VTI1A: variants seen among roughly 807,000 people sequenced by gnomAD.
VTI1A encodes the protein vesicle transport through interaction with t-SNAREs homolog 1A.
VTI1A carries 22 observed loss-of-function variants against 34.9 expected under a neutral mutation model. That is an observed-to-expected ratio of 0.63 (90% CI 0.45 to 0.90). The LOEUF is 0.90. Among genes scored for constraint, VTI1A ranks in the 40% least tolerant of loss-of-function variants. The pLI, the probability that VTI1A is intolerant of heterozygous loss-of-function variation, is 0.00. For missense variants in VTI1A, 268 were observed against 275.6 expected (o/e 0.97, Z 0.20); for synonymous variants, 87 against 97.3 (o/e 0.89, Z 0.62).
At chr10:112,600,037 C>A (rs1181259048) in intron 5 of VTI1A, among the ~76,000 whole-genome samples, 4 of 152,122 alleles carry the variant, frequency 2.6e-5, no homozygotes, top group Non-Finnish European at 5.9e-5. Context: ...TGGAGAAATT[C>A]AGAACCATAT....
chr10:112,604,647 T>G (rs1345743058), intron 5 of VTI1A, among the ~76,000 whole-genome samples: 1 of 152,244 alleles, frequency 6.6e-6, no homozygotes, highest in Non-Finnish European at 1.5e-5. Context: ...TGGAACTGTT[T>G]GGGCATATTC....
chr10:112,548,164 C>T (rs1031543155), intron 5 of VTI1A, among the ~76,000 whole-genome samples: 1 of 152,162 alleles, frequency 6.6e-6, no homozygotes, highest in African/African-American at 2.4e-5. Flanking sequence ...AGTACTGCAA[C>T]TTTATCGCCT....
intron 2 of VTI1A, among the ~76,000 whole-genome samples, chr10:112,461,469 C>T (rs898144677): frequency 5.3e-5 from 8 of 152,244 alleles, no homozygotes; most frequent in East Asian, 1.9e-4. Context: ...GAGACTGAGA[C>T]TTAGAAAGAT....
At chr10:112,541,514 T>C (rs1297886953) in intron 5 of VTI1A, among the ~76,000 whole-genome samples, 2 of 152,170 alleles carry the variant, frequency 1.3e-5, no homozygotes, top group East Asian at 1.9e-4. Flanking sequence ...GGCAAAGATT[T>C]CAACAAAAAT....
chr10:112,470,339 CAA>C (rs1848034288), intron 3 of VTI1A, among the ~76,000 whole-genome samples: 1 of 152,096 alleles, frequency 6.6e-6, no homozygotes, highest in Non-Finnish European at 1.5e-5. Flanking sequence ...AAAAACCAAA[CAA>C]AATGTATTGT....
At chr10:112,464,725 C>T in intron 3 of VTI1A, 68 bp downstream of exon 3, 1 of 1,375,134 alleles carries the variant, frequency 7.3e-7, no homozygotes, top group South Asian at 1.3e-5. Flanking sequence ...ATGCCTCAGT[C>T]AGCATTAAAT....
chr10:112,836,118 C>T, the VTI1A span, among the ~76,000 whole-genome samples: 1 of 152,240 alleles, frequency 6.6e-6, no homozygotes, highest in Non-Finnish European at 1.5e-5. Context: ...GCCCTGTCCT[C>T]TTCCCGGGTG....
At chr10:112,455,431 TCTTCCCTCCTTCCCTC>T (rs1246549360) in intron 1 of VTI1A, among the ~76,000 whole-genome samples, 2 of 444 alleles carry the variant, frequency 4.5e-3, no homozygotes, top group African/African-American at 0.022. Context: ...CCCCTTCCCT[TCTTCCCTCCTTCCCTC>T]CTTCCCTCCT....
At chr10:112,589,449 A>G (rs961045410) in intron 5 of VTI1A, among the ~76,000 whole-genome samples, 1 of 150,594 alleles carries the variant, frequency 6.6e-6, no homozygotes, top group African/African-American at 2.5e-5. Context: ...ACCCAGCCAC[A>G]TGGAACTGTA....
intron 5 of VTI1A, among the ~76,000 whole-genome samples, chr10:112,663,610 A>T (rs1847540999): frequency 6.6e-6 from 1 of 152,196 alleles, no homozygotes; most frequent in Non-Finnish European, 1.5e-5. Flanking sequence ...AAGGCTCTTC[A>T]TGCCTGAGTA....
At chr10:112,532,901 C>T (rs150823965) in intron 4 of VTI1A, among the ~76,000 whole-genome samples, 17 of 152,124 alleles carry the variant, frequency 1.1e-4, no homozygotes, top group Middle Eastern at 3.4e-3. Flanking sequence ...TTCATATGAT[C>T]GTGAATTTTT....
chr10:112,464,977 G>A (rs1316775589), intron 3 of VTI1A, among the ~76,000 whole-genome samples: 1 of 152,160 alleles, frequency 6.6e-6, no homozygotes, highest in Non-Finnish European at 1.5e-5. Flanking sequence ...CCTTTAAGAG[G>A]CAGCCTGTAC....
intron 3 of VTI1A, among the ~76,000 whole-genome samples, chr10:112,467,488 C>T (rs2134060889): frequency 6.6e-6 from 1 of 152,154 alleles, no homozygotes; most frequent in South Asian, 2.1e-4. Context: ...AGCAAAAAAC[C>T]TCATAATATT....
At chr10:112,658,975 C>G (rs1847341263) in intron 5 of VTI1A, among the ~76,000 whole-genome samples, 1 of 152,210 alleles carries the variant, frequency 6.6e-6, no homozygotes, top group Non-Finnish European at 1.5e-5. Context: ...ACTTCTCAAA[C>G]ATGTAATTAA....
At chr10:112,490,281 C>G (rs959539837) in intron 3 of VTI1A, among the ~76,000 whole-genome samples, 7 of 152,222 alleles carry the variant, frequency 4.6e-5, no homozygotes, top group Non-Finnish European at 7.3e-5. Context: ...AAAAGTCTTA[C>G]AACCTGTCGG....
intron 7 of VTI1A, among the ~76,000 whole-genome samples, chr10:112,734,858 C>T (rs1327575253): frequency 1.3e-5 from 2 of 151,932 alleles, no homozygotes; most frequent in African/African-American, 2.4e-5. Flanking sequence ...TCTCAAACTT[C>T]TGACCCCAAG....
intron 5 of VTI1A, among the ~76,000 whole-genome samples, chr10:112,655,310 AAATT>A (rs1358336782): frequency 6.6e-6 from 1 of 152,216 alleles, no homozygotes; most frequent in African/African-American, 2.4e-5. Flanking sequence ...AGAGCAGAAA[AAATT>A]AACCCAGAAC....
chr10:112,604,049 T>C (rs1362417312), intron 5 of VTI1A, among the ~76,000 whole-genome samples: 1 of 152,142 alleles, frequency 6.6e-6, no homozygotes, highest in Non-Finnish European at 1.5e-5. Flanking sequence ...AAACTCATTT[T>C]TTTTCTTTTG....
At chr10:112,669,684 T>C (rs905645243) in intron 7 of VTI1A, among the ~76,000 whole-genome samples, 1 of 152,142 alleles carries the variant, frequency 6.6e-6, no homozygotes, top group Admixed American at 6.6e-5. Context: ...GACTGTCAGT[T>C]TGGAACTGTG....
Sources: allele counts gnomAD v4.1 joint callset (sites outside exome capture counted in the v4.1 genomes callset), GRCh38; gene constraint gnomAD v4.1.1; transcripts MANE v1.5; gene names NCBI Gene and HGNC (gene_info 2026-07-23, HGNC 2026-07-21).